The following SEMA3A variants were observed in gnomAD, a reference collection of about 807,000 sequenced individuals.
SEMA3A encodes the protein semaphorin 3A, also known as semaphorin-3A.
Under a neutral mutation model 97.9 loss-of-function variants are expected in SEMA3A, and 29 were observed. That is an observed-to-expected ratio of 0.30 (90% CI 0.22 to 0.40). The LOEUF is 0.40. SEMA3A is among the 10% of genes least tolerant of loss of function. The pLI is 1.00. For synonymous variants in SEMA3A, 321 were observed against 323.7 expected (o/e 0.99, Z 0.09); for missense variants, 763 against 951.3 (o/e 0.80, Z 2.60).
chr7:84,346,303 G>A (rs1802298465), intron 2 of SEMA3A, among the ~76,000 whole-genome samples: 1 of 152,128 alleles, frequency 6.6e-6, no homozygotes, highest in Admixed American at 6.5e-5. Context: ...CAATTAGTCT[G>A]TTTTGCTTTC....
At chr7:84,157,169 C>T (rs759688688) in intron 1 of SEMA3A, among the ~76,000 whole-genome samples, 12 of 152,064 alleles carry the variant, frequency 7.9e-5, no homozygotes, top group Non-Finnish European at 1.5e-4. Context: ...ATTAACATGC[C>T]TTTGTGTATT....
chr7:84,208,078 T>G (rs1798533689), intron 3 of SEMA3A, among the ~76,000 whole-genome samples: 1 of 152,164 alleles, frequency 6.6e-6, no homozygotes, highest in Non-Finnish European at 1.5e-5. Context: ...ATGCCTACAT[T>G]ATATACACAC....
intron 1 of SEMA3A, among the ~76,000 whole-genome samples, chr7:84,153,425 A>G (rs993684896): frequency 6.6e-6 from 1 of 152,186 alleles, no homozygotes; most frequent in Admixed American, 6.5e-5. Context: ...TATACACTGC[A>G]GCAGAGTTAT....
chr7:84,425,401 A>G (rs1377982488), intron 1 of SEMA3A, among the ~76,000 whole-genome samples: 1 of 133,226 alleles, frequency 7.5e-6, no homozygotes, highest in Non-Finnish European at 1.5e-5. Flanking sequence ...ATATATTCAC[A>G]TAAATATATG....
chr7:83,987,697 C>T (rs1308276973), intron 12 of SEMA3A, among the ~76,000 whole-genome samples: 1 of 152,144 alleles, frequency 6.6e-6, no homozygotes, highest in Non-Finnish European at 1.5e-5. Flanking sequence ...ACCAATGTTC[C>T]TCTTTCTCTC....
chr7:84,085,108 C>T (rs1171170990), intron 4 of SEMA3A, among the ~76,000 whole-genome samples: 1 of 151,968 alleles, frequency 6.6e-6, no homozygotes, highest in African/African-American at 2.4e-5. Context: ...AGAAAGGGAT[C>T]TCTTTCAAAT....
intron 1 of SEMA3A, among the ~76,000 whole-genome samples, chr7:84,374,814 T>C (rs1803058072): frequency 6.6e-6 from 1 of 152,140 alleles, no homozygotes; most frequent in African/African-American, 2.4e-5. Flanking sequence ...TTAAAGTATA[T>C]GATTGACAGT....
intron 2 of SEMA3A, among the ~76,000 whole-genome samples, chr7:84,309,603 T>A (rs592778): frequency 6.6e-6 from 1 of 151,974 alleles, no homozygotes; most frequent in African/African-American, 2.4e-5. Context: ...TTGACCCTAA[T>A]CAGCATTGGT....
At chr7:84,320,310 C>T (rs1448834344) in intron 2 of SEMA3A, among the ~76,000 whole-genome samples, 12 of 151,862 alleles carry the variant, frequency 7.9e-5, no homozygotes, top group Admixed American at 7.9e-4. Context: ...AATTAATAAT[C>T]TATGTATAGG....
At chr7:84,254,767 C>T (rs1799680430) in intron 3 of SEMA3A, among the ~76,000 whole-genome samples, 1 of 152,062 alleles carries the variant, frequency 6.6e-6, no homozygotes, top group African/African-American at 2.4e-5. Context: ...CTTTGTACAC[C>T]TAATCATTAT....
intron 3 of SEMA3A, among the ~76,000 whole-genome samples, chr7:84,269,554 T>C (rs1207309640): frequency 6.6e-6 from 1 of 152,094 alleles, no homozygotes; most frequent in Non-Finnish European, 1.5e-5. Context: ...TTGTATAAGA[T>C]AAAACAGCTA....
At chr7:84,234,810 C>A (rs190627318) in intron 3 of SEMA3A, among the ~76,000 whole-genome samples, 443 of 152,120 alleles carry the variant, frequency 2.9e-3, no homozygotes, top group Non-Finnish European at 5.3e-3. Flanking sequence ...TGACCTTCTG[C>A]CTGCCGTGTG....
At chr7:84,318,911 A>G (rs1402787451) in intron 2 of SEMA3A, among the ~76,000 whole-genome samples, 1 of 152,196 alleles carries the variant, frequency 6.6e-6, no homozygotes, top group African/African-American at 2.4e-5. Context: ...CTTAATTTCA[A>G]GGGACTTATT....
At chr7:84,288,221 G>A (rs2115772202) in intron 3 of SEMA3A, among the ~76,000 whole-genome samples, 1 of 151,938 alleles carries the variant, frequency 6.6e-6, no homozygotes, top group Non-Finnish European at 1.5e-5. Flanking sequence ...TAGTAGCTGG[G>A]GCTACAGGTG....
intron 3 of SEMA3A, among the ~76,000 whole-genome samples, chr7:84,266,520 T>A (rs1363067905): frequency 6.6e-6 from 1 of 151,568 alleles, no homozygotes; most frequent in Non-Finnish European, 1.5e-5. Flanking sequence ...AGATTTTGAG[T>A]TAACAAAAAT....
chr7:84,125,606 C>T (rs1795767646), intron 3 of SEMA3A, among the ~76,000 whole-genome samples: 1 of 152,174 alleles, frequency 6.6e-6, no homozygotes, highest in Admixed American at 6.5e-5. Context: ...TTATCCTCCA[C>T]AGGGCCTTGT....
chr7:84,251,379 G>T (rs1799605271), intron 3 of SEMA3A, among the ~76,000 whole-genome samples: 1 of 152,182 alleles, frequency 6.6e-6, no homozygotes, highest in Admixed American at 6.5e-5. Context: ...TTACATGATT[G>T]TTAGCCAAGA....
At chr7:84,367,189 A>G (rs1802868045) in intron 2 of SEMA3A, among the ~76,000 whole-genome samples, 1 of 151,280 alleles carries the variant, frequency 6.6e-6, no homozygotes, top group Non-Finnish European at 1.5e-5. Flanking sequence ...TCTAATAAAA[A>G]ATAAACGTAT....
chr7:84,191,473 T>C (rs1798036730), intron 1 of SEMA3A, among the ~76,000 whole-genome samples: 1 of 151,740 alleles, frequency 6.6e-6, no homozygotes, highest in South Asian at 2.1e-4. Flanking sequence ...TTGTCATTTG[T>C]TTAAAACCCA....
Sources: gnomAD v4.1 joint callset for allele counts (sites outside exome capture counted in the v4.1 genomes callset) on GRCh38, gnomAD v4.1.1 for gene constraint, MANE v1.5 for transcripts, NCBI Gene and HGNC (gene_info 2026-07-23, HGNC 2026-07-21) for gene names.